HDAC3: variants seen among roughly 807,000 people sequenced by gnomAD.
HDAC3 encodes the protein SMAP45.
In HDAC3, 21 loss-of-function variants were observed where a neutral mutation model predicts 62.3. That is an observed-to-expected ratio of 0.34 (90% CI 0.24 to 0.49). The LOEUF (loss-of-function observed/expected upper bound fraction) is 0.49, where lower values mean the gene tolerates loss of function less well. Among genes scored for constraint, HDAC3 ranks in the 20% least tolerant of loss-of-function variants. The probability of loss-of-function intolerance (pLI) is 0.99; values close to 1 mark genes in which losing one functional copy is unlikely to be tolerated. For synonymous variants in HDAC3, 198 were observed against 206.5 expected (o/e 0.96, Z 0.35); for missense variants, 270 against 556.9 (o/e 0.48, Z 5.19).
chr5:141,630,742 C>T (rs1331230690), intron 3 of HDAC3, among the ~76,000 whole-genome samples: 2 of 151,998 alleles, frequency 1.3e-5, no homozygotes, highest in Non-Finnish European at 2.9e-5. Context: ...AATACAAGGA[C>T]AGACATCTTA....
intron 2 of HDAC3, chr5:141,636,287 C>T (rs531889251): frequency 3.8e-6 from 2 of 531,896 alleles, no homozygotes; most frequent in South Asian, 2.3e-5. Context: ...TCAAACCAGC[C>T]CCACATCACG....
intron 14 of HDAC3, among the ~76,000 whole-genome samples, chr5:141,624,074 T>G (rs1378137175): frequency 1.4e-5 from 2 of 141,398 alleles, no homozygotes; most frequent in East Asian, 2.0e-4. Context: ...ATAACCACAA[T>G]GCAATTATCC....
At chr5:141,621,839 G>T (rs950560352) in intron 14 of HDAC3, among the ~76,000 whole-genome samples, 7 of 152,302 alleles carry the variant, frequency 4.6e-5, no homozygotes, top group African/African-American at 1.7e-4. Context: ...AATAATTTCA[G>T]ATGATGGAGA....
Position 141,625,492 on chromosome 5 carries a change from C to T in HDAC3, c.1060-127G>A. Reference sequence around the variant, plus strand: ...AGTGGTACCTCTAGTTCAGGTCCCCCAACTGATAGCTCTCCCTCCCCACCA... The same window carrying T: ...AGTGGTACCTCTAGTTCAGGTCCCCTAACTGATAGCTCTCCCTCCCCACCA... On this transcript the variant is annotated intron_variant, in intron 13 of 14. Coordinates refer to ENST00000305264, the MANE Select transcript of HDAC3 (RefSeq NM_003883.4). This position sits in a 1 kb window ranked among gnomAD's most constrained non-coding sequence, Gnocchi z 4.0. 8.5e-7 allele frequency: 1 copy of T among 1,170,430 alleles called. No homozygotes were observed. The highest frequency in any genetic ancestry group is 1.3e-6 in the Non-Finnish European group (1 of 795,274). 72.5% of individuals were successfully genotyped at this position (1,170,430 alleles called of 1,614,324 possible). A position where few individuals can be genotyped will look rare whatever the true frequency, so the allele number is the denominator to read the frequency against.
Position 141,626,344 on chromosome 5 carries a change from T to A in HDAC3, c.831-61A>T. The A allele has an allele frequency of 1.6e-5, 20 of 1,228,966 alleles. No individual in the cohort carries two copies. Among genetic ancestry groups the A allele is most frequent in the African/African-American group, 3.0e-5 (2 of 67,426 alleles). 76.1% of individuals were successfully genotyped at this position (1,228,966 alleles called of 1,614,324 possible). ...TTATCAAAAGACAAGGTAAATACCT[T>A]TAGGTATTGCCTGAAAGGAGCACAA... On this transcript the variant is annotated intron_variant, in intron 10 of 14. Transcript: ENST00000305264. The surrounding 1 kb of genome is among the most constrained non-coding windows in gnomAD (Gnocchi z 4.6).
chr5:141,627,639 T>C (rs2099904630), intron 10 of HDAC3, among the ~76,000 whole-genome samples: 1 of 152,218 alleles, frequency 6.6e-6, no homozygotes, highest in African/African-American at 2.4e-5. Flanking sequence ...GTAAACTCCA[T>C]GGGAGACTCC....
Position 141,628,275 on chromosome 5 carries a change from T to A in HDAC3, c.692-88A>T. Reference sequence around the variant, plus strand: ...GGAAAAAGGGGGTTGAGCGAGCATGTAGCCCAGGAAAGGGGCCACCCAAAA... The same window carrying A: ...GGAAAAAGGGGGTTGAGCGAGCATGAAGCCCAGGAAAGGGGCCACCCAAAA... On this transcript the variant is annotated intron_variant, in intron 8 of 14. Coordinates refer to ENST00000305264, the MANE Select transcript of HDAC3 (RefSeq NM_003883.4). This position sits in a 1 kb window ranked among gnomAD's most constrained non-coding sequence, Gnocchi z 4.7. 2.6e-6 allele frequency: 3 copies of A among 1,171,078 alleles called. No individual in the cohort carries two copies. Among genetic ancestry groups the A allele is most frequent in the Non-Finnish European group, 3.8e-6 (3 of 789,002 alleles). The allele number at this position is 1,171,078 out of a possible 1,614,324, so 72.5% of individuals were successfully genotyped here.
Position 141,636,805 on chromosome 5 carries a change from C to G in HDAC3, c.-15G>C, listed in dbSNP as rs369319146. On this transcript the variant is annotated 5_prime_UTR_variant, in exon 1 of 15. Coordinates refer to ENST00000305264, the MANE Select transcript of HDAC3 (RefSeq NM_003883.4). ...GTCTTGGCCATGGTGCCGGCGGGAG[C>G]AGGCCCCGCACCTCCGCCGCCCGCC... 1.3e-3 allele frequency: 2,001 copies of G among 1,587,064 alleles called. 5 individuals carry two copies. The highest frequency in any genetic ancestry group is 1.5e-3 in the Non-Finnish European group (1,778 of 1,166,352).
chr5:141,635,722 G>A (rs1016758371), intron 2 of HDAC3, among the ~76,000 whole-genome samples: 6 of 152,242 alleles, frequency 3.9e-5, no homozygotes, highest in Middle Eastern at 6.8e-3. Context: ...CTCTCGCCTC[G>A]GCCTCCCAAG....
At chr5:141,623,688 G>A (rs374247242) in intron 14 of HDAC3, among the ~76,000 whole-genome samples, 26 of 152,266 alleles carry the variant, frequency 1.7e-4, no homozygotes, top group East Asian at 1.5e-3. Flanking sequence ...AGTCAGAGCA[G>A]TAAAGCCCAG....
rs781170580 is a variant in HDAC3 at position 141,634,865 on chromosome 5, G to A, written c.227C>T (p.Thr76Ile). The change falls in exon 3 of 15, where the codon ACC becomes ATC. Residue 76 changes from threonine (T) to isoleucine (I), a missense_variant. Physicochemically the swap from Thr to Ile is moderately conservative, Grantham distance 89. Coordinates refer to ENST00000305264, the MANE Select transcript of HDAC3 (RefSeq NM_003883.4). ...YIDFLQRVSP[T>I]NMQGFTKSLN... ...ACTCTTGGTGAAGCCTTGCATATTG[G>A]TGGGGCTGACTCTCTGCAGGAAGTC... 1.2e-6 allele frequency: 2 copies of A among 1,614,060 alleles called. No homozygotes were observed. The highest frequency in any genetic ancestry group is 1.1e-5 in the South Asian group (1 of 91,074).
Position 141,634,900 on chromosome 5 carries a change from C to T in HDAC3, c.192G>A (p.Glu64=). 6.2e-7 allele frequency: 1 copy of T among 1,614,100 alleles called. No individual in the cohort carries two copies. The highest frequency in any genetic ancestry group is 8.5e-7 in the Non-Finnish European group (1 of 1,180,006). Residue 64 remains glutamate (E), a synonymous_variant, in exon 3 of 15, where the codon GAG becomes GAA. Coordinates refer to ENST00000305264, the MANE Select transcript of HDAC3 (RefSeq NM_003883.4). ...CTCTCTGCAGGAAGTCAATGTAGTC[C>T]TCGGAGTGGAAGCGGCACATGTCAT... ...SQHDMCRFHS[E]DYIDFLQRVS... is the part of the protein sequence containing the mutation.
Position 141,621,434 on chromosome 5 carries a change from GA to G in HDAC3, c.*33del, listed in dbSNP as rs1248999115. On this transcript the variant is annotated 3_prime_UTR_variant, in exon 15 of 15. Transcript: ENST00000305264. ...CTCCAGCCCAACCAAGAGGTGAAAA[GA>G]AATTCCTTGGGACACAGCATCCCAA... 6.2e-7 allele frequency: 1 copy of G among 1,600,842 alleles called. No individual in the cohort carries two copies. Among genetic ancestry groups the G allele is most frequent in the Admixed American group, 1.7e-5 (1 of 59,970 alleles).
rs1309580843 is a variant in HDAC3 at position 141,628,070 on chromosome 5, C to T, written c.765+44G>A. The T allele has an allele frequency of 6.2e-7, 1 of 1,607,222 alleles. No homozygotes were observed. The highest frequency in any genetic ancestry group is 2.2e-5 in the East Asian group (1 of 44,830). On this transcript the variant is annotated intron_variant, in intron 9 of 14. Coordinates refer to ENST00000305264, the MANE Select transcript of HDAC3 (RefSeq NM_003883.4). The surrounding 1 kb of genome is among the most constrained non-coding windows in gnomAD (Gnocchi z 4.7). The stretch of plus-strand genomic sequence containing the variant: ...CTCCTCTTCCCTTGCTCTCTTTCCC[C>T]AAGCCCAGGCAGAACACTCCTGAGG...
chr5:141,628,579 C>T lies in HDAC3; in HGVS notation c.671G>A (p.Arg224Gln), dbSNP rs2099904782. The T allele has an allele frequency of 3.1e-6, 5 of 1,613,924 alleles. No homozygotes were observed. The highest frequency in any genetic ancestry group is 1.3e-5 in the African/African-American group (1 of 74,902). The change falls in exon 8 of 15, where the codon CGG (arginine) becomes CAG (glutamine). Residue 224 changes from arginine to glutamine, a missense_variant. Arg to Gln is a conservative substitution (Grantham distance 43). Coordinates refer to ENST00000305264, the MANE Select transcript of HDAC3 (RefSeq NM_003883.4). The surrounding 1 kb of genome is among the most constrained non-coding windows in gnomAD (Gnocchi z 4.7). ...CTTACTCTGGTCATCAATGCCATCC[C>T]GCAGGGGCACGTTCAGACAGTAGTA... ...GRYYCLNVPL[R>Q]DGIDDQSYKH...
At position 141,625,178 on chromosome 5, in the gene HDAC3, G is replaced by T; in HGVS notation, c.1217+30C>A. The T allele has an allele frequency of 6.4e-7, 1 of 1,573,346 alleles. No individual in the cohort carries two copies. Among genetic ancestry groups the T allele is most frequent in the South Asian group, 1.2e-5 (1 of 85,076 alleles). On this transcript the variant is annotated intron_variant, in intron 14 of 14. Transcript: ENST00000305264. This position sits in a 1 kb window ranked among gnomAD's most constrained non-coding sequence, Gnocchi z 4.0. ...TTTAAACCTCCCCAGCAAGCCTATT[G>T]AAAGTAGGCTGAAGTCCCTGCTCCC... is the stretch of plus-strand genomic sequence containing the variant.
chr5:141,634,992 G>A, intron 2 of HDAC3, 39 bp from the exon 3 acceptor site: 6 of 1,607,422 alleles, frequency 3.7e-6, no homozygotes, highest in East Asian at 2.2e-5. Flanking sequence ...GGCAGGGTCA[G>A]CCCCACTCCA....
Position 141,621,449 on chromosome 5 carries a change from A to G in HDAC3, c.*19T>C. On this transcript the variant is annotated 3_prime_UTR_variant, in exon 15 of 15. Transcript: ENST00000305264. ...GAGGTGAAAAGAAATTCCTTGGGAC[A>G]CAGCATCCCAAGCCACTCTTAAATC... The G allele has an allele frequency of 6.2e-7, 1 of 1,609,702 alleles. No homozygotes were observed. The highest frequency in any genetic ancestry group is 8.5e-7 in the Non-Finnish European group (1 of 1,175,996).
intron 3 of HDAC3, among the ~76,000 whole-genome samples, chr5:141,633,597 T>C (rs1356780863): frequency 6.6e-6 from 1 of 152,048 alleles, no homozygotes; most frequent in Non-Finnish European, 1.5e-5. Flanking sequence ...AGGCTGAGGC[T>C]GGTGGATCAC....
Sources: allele counts gnomAD v4.1 joint callset (sites outside exome capture counted in the v4.1 genomes callset), GRCh38; gene constraint gnomAD v4.1.1; non-coding constraint Gnocchi (gnomAD v3.1); transcripts MANE v1.5; gene names NCBI Gene and HGNC (gene_info 2026-07-23, HGNC 2026-07-21).